The following ERI1 variants were observed in gnomAD, a reference collection of about 807,000 sequenced individuals.
The protein encoded by ERI1 is 3'-5' exoribonuclease 1.
ERI1 carries 39 observed loss-of-function variants against 39.7 expected under a neutral mutation model. The observed-to-expected ratio is 0.98, with a 90% CI of 0.76 to 1.28. The LOEUF is 1.28. Ranked by LOEUF, ERI1 falls within the 50% of genes most tolerant of loss-of-function variation. The probability of loss-of-function intolerance (pLI) is 0.00; values close to 1 mark genes in which losing one functional copy is unlikely to be tolerated. For missense variants in ERI1, 581 were observed against 416.9 expected, an observed-to-expected ratio of 1.39 and a Z score of -3.43; for synonymous variants, 204 against 149.6, an observed-to-expected ratio of 1.36 and a Z score of -2.65.
Position 9,003,157 on chromosome 8 carries a change from C to T in ERI1, c.94C>T (p.Arg32Cys). The T allele has an allele frequency of 8.0e-7, 1 of 1,243,186 alleles. No individual in the cohort carries two copies. The allele number at this position is 1,243,186 out of a possible 1,614,324, so 77.0% of individuals were successfully genotyped here. Residue 32 changes from arginine (R) to cysteine (C), a missense_variant, in exon 1 of 7, where the codon CGT (arginine) becomes TGT (cysteine). Coordinates refer to ENST00000250263, the MANE Select transcript of ERI1 (RefSeq NM_153332.4). ...GCCGGAGGGCGGGGAGGAGCCGCCG[C>T]GTCCCAGTCCCGAGGTGAGGAGTCG... is the stretch of plus-strand genomic sequence containing the variant. Reference protein sequence around the residue: ...PRPEGGEEPPRPSPEETQQCK... With the variant: ...PRPEGGEEPPCPSPEETQQCK...
intron 6 of ERI1, among the ~76,000 whole-genome samples, chr8:9,023,906 C>T (rs1029803313): frequency 7.1e-6 from 1 of 141,312 alleles, no homozygotes; most frequent in African/African-American, 2.6e-5. Context: ...TCAAGCAGTT[C>T]TCCTGCCTCA....
At chr8:9,044,267 C>A (rs1798110326) in intron 3 of ERI1, among the ~76,000 whole-genome samples, 1 of 152,158 alleles carries the variant, frequency 6.6e-6, no homozygotes, top group South Asian at 2.1e-4. Flanking sequence ...GGATGCAGGG[C>A]AACAAGTCTA....
chr8:9,004,481 G>A (rs923055066), intron 1 of ERI1, among the ~76,000 whole-genome samples: 1 of 130,716 alleles, frequency 7.7e-6, no homozygotes, highest in African/African-American at 3.0e-5. Context: ...TCTTTATAGT[G>A]ATACTTTTTT....
chr8:9,083,306 A>T (rs1162939417), intron 3 of ERI1, among the ~76,000 whole-genome samples: 1 of 152,174 alleles, frequency 6.6e-6, no homozygotes, highest in Non-Finnish European at 1.5e-5. Context: ...CTCTGACGGT[A>T]ACTTCCATCC....
At chr8:9,017,216 T>A (rs78366885) in intron 4 of ERI1, among the ~76,000 whole-genome samples, 1 of 152,004 alleles carries the variant, frequency 6.6e-6, no homozygotes. Context: ...ATTTTTTTTT[T>A]ATTTTTAGTA....
At chr8:9,029,052 C>G (rs578097143) in intron 6 of ERI1, among the ~76,000 whole-genome samples, 1 of 143,050 alleles carries the variant, frequency 7.0e-6, no homozygotes, top group African/African-American at 2.6e-5. Flanking sequence ...ACCACATCGT[C>G]TTTCATTCTT....
chr8:9,054,999 C>G (rs763884348), intron 3 of ERI1, among the ~76,000 whole-genome samples: 3 of 152,172 alleles, frequency 2.0e-5, no homozygotes, highest in Non-Finnish European at 4.4e-5. Flanking sequence ...AGGGTATGAA[C>G]TGTTAAAAGA....
In ERI1 at chr8:9,029,909, AT is replaced by A; in HGVS notation, c.926del (p.Met309SerfsTer19). Reference sequence around the variant, plus strand: ...GAATATCGCCCGAATAGCAGTTCGAATGCTTCAGGATGGGTGTGAACTCCGA... The same window carrying A: ...GAATATCGCCCGAATAGCAGTTCGAAGCTTCAGGATGGGTGTGAACTCCGA... ...SKNIARIAVRMLQDGCELRIN... is the reference protein window; with the variant it reads ...SKNIARIAVRXLQDGCELRIN... On this transcript the variant is annotated frameshift_variant, in exon 7 of 7. Coordinates refer to ENST00000250263, the MANE Select transcript of ERI1 (RefSeq NM_153332.4). LOFTEE classifies it high-confidence loss of function. The A allele has an allele frequency of 6.2e-7, 1 of 1,614,196 alleles. No individual in the cohort carries two copies. The highest frequency in any genetic ancestry group is 8.5e-7 in the Non-Finnish European group (1 of 1,180,032).
chr8:9,023,793 C>CTTTTTTTTTTTTTTTT, intron 6 of ERI1, among the ~76,000 whole-genome samples: 1 of 80,532 alleles, frequency 1.2e-5, no homozygotes, highest in Non-Finnish European at 2.1e-5. Flanking sequence ...GTAAAAATGA[C>CTTTTTTTTTTTTTTTT]TTTTTTTTTT....
intron 1 of ERI1, chr8:9,004,130 C>T (rs565383860): frequency 1.6e-6 from 2 of 1,289,332 alleles, no homozygotes; most frequent in Non-Finnish European, 2.0e-6. Flanking sequence ...TTAAGGATCT[C>T]TGTATGTTCC....
intron 3 of ERI1, among the ~76,000 whole-genome samples, chr8:9,051,490 C>G (rs1798353719): frequency 6.6e-6 from 1 of 152,046 alleles, no homozygotes; most frequent in African/African-American, 2.4e-5. Flanking sequence ...AAGCACATCT[C>G]TACTAAAAAT....
chr8:9,024,820 T>G (rs1307807451), intron 6 of ERI1, among the ~76,000 whole-genome samples: 1 of 152,210 alleles, frequency 6.6e-6, no homozygotes, highest in Non-Finnish European at 1.5e-5. Flanking sequence ...TAAAATGTGT[T>G]TTCTTTTTTT....
intron 2 of ERI1, chr8:9,009,031 GGTACAACTT>G (rs1448626675): frequency 2.2e-6 from 1 of 456,102 alleles, no homozygotes; most frequent in Non-Finnish European, 4.4e-6. Context: ...CTGTTATGAA[GGTACAACTT>G]GTAGCCTACA....
At chr8:9,025,700 TTTTGTG>T (rs1033661221) in intron 6 of ERI1, among the ~76,000 whole-genome samples, 8 of 81,568 alleles carry the variant, frequency 9.8e-5, no homozygotes, top group East Asian at 4.4e-4. Flanking sequence ...AATCTTTTTT[TTTTGTG>T]TGTGTGTGTG....
chr8:9,068,921 A>G (rs962485659), intron 3 of ERI1, among the ~76,000 whole-genome samples: 13 of 152,006 alleles, frequency 8.6e-5, no homozygotes, highest in South Asian at 2.1e-4. Flanking sequence ...GGCTCAAGCA[A>G]TCCTCTTGCC....
At chr8:9,023,047 T>C (rs1440292481) in intron 6 of ERI1, among the ~76,000 whole-genome samples, 1 of 152,226 alleles carries the variant, frequency 6.6e-6, no homozygotes, top group Non-Finnish European at 1.5e-5. Flanking sequence ...TATTTTCTTT[T>C]ACCTTTTGTG....
At chr8:9,085,895 G>A (rs183699330) in intron 3 of ERI1, among the ~76,000 whole-genome samples, 1 of 152,254 alleles carries the variant, frequency 6.6e-6, no homozygotes, top group African/African-American at 2.4e-5. Context: ...TCTCCATGCT[G>A]AGGACAAATT....
chr8:9,005,635 C>T (rs1028757665), intron 1 of ERI1, among the ~76,000 whole-genome samples: 2 of 151,966 alleles, frequency 1.3e-5, no homozygotes, highest in East Asian at 1.9e-4. Context: ...CTGCCTCAGC[C>T]TCCTGAGTAG....
In ERI1 at chr8:9,032,974, C is replaced by T. The variant is rs966461399; in HGVS notation, c.*2940C>T. The T allele has an allele frequency of 2.6e-5, 4 of 152,188 alleles. No homozygotes were observed. Among genetic ancestry groups the T allele is most frequent in the South Asian group, 2.1e-4 (1 of 4,828 alleles). The allele number at this position is 152,188 out of a possible 1,614,324, so 9.4% of individuals were successfully genotyped here. On this transcript the variant is annotated 3_prime_UTR_variant, in exon 7 of 7. Coordinates refer to ENST00000250263, the MANE Select transcript of ERI1 (RefSeq NM_153332.4). ...TCCTCGAGACCAGAGACTGTGACTTCTGCATCTTTGATTCCAGCGACATAT... is the reference window on the plus strand; with the variant it reads ...TCCTCGAGACCAGAGACTGTGACTTTTGCATCTTTGATTCCAGCGACATAT...
Sources: allele counts gnomAD v4.1 joint callset (sites outside exome capture counted in the v4.1 genomes callset), GRCh38; gene constraint gnomAD v4.1.1; transcripts MANE v1.5; gene names NCBI Gene and HGNC (gene_info 2026-07-23, HGNC 2026-07-21).